The following CMTM8 variants were observed in gnomAD, a reference collection of about 807,000 sequenced individuals.
The protein encoded by CMTM8 is CKLF like MARVEL transmembrane domain containing 8, also known as CKLF-like MARVEL transmembrane domain-containing protein 8.
In CMTM8, 12 loss-of-function variants were observed where a neutral mutation model predicts 18.6. The observed-to-expected ratio is 0.65, with a 90% confidence interval of 0.41 to 1.05. CMTM8 has a LOEUF of 1.05. Among genes scored for constraint, CMTM8 ranks in the 50% least tolerant of loss-of-function variants. The pLI, the probability that CMTM8 is intolerant of heterozygous loss-of-function variation, is 0.00. For missense variants in CMTM8, 217 were observed against 227.2 expected (o/e 0.95, Z 0.29); for synonymous variants, 87 against 90.6 (o/e 0.96, Z 0.23).
intron 1 of CMTM8, among the ~76,000 whole-genome samples, chr3:32,334,759 TTTATAC>T (rs1222694651): frequency 6.6e-6 from 1 of 152,192 alleles, no homozygotes; most frequent in East Asian, 1.9e-4. Context: ...TTTTAATTTC[TTTATAC>T]TTAAAGTTCA....
At chr3:32,340,643 T>G (rs757086237) in intron 1 of CMTM8, among the ~76,000 whole-genome samples, 1 of 152,366 alleles carries the variant, frequency 6.6e-6, no homozygotes, top group East Asian at 1.9e-4. Flanking sequence ...TATTTCAGGC[T>G]ATGTAGCCAG....
At chr3:32,305,232 CTTTT>C (rs397693052) in intron 1 of CMTM8, among the ~76,000 whole-genome samples, 1 of 127,564 alleles carries the variant, frequency 7.8e-6, no homozygotes, top group Non-Finnish European at 1.6e-5. Flanking sequence ...TGACTGGAGG[CTTTT>C]TTTTTTTTTT....
chr3:32,362,287 C>T (rs1188051965), intron 2 of CMTM8, among the ~76,000 whole-genome samples: 2 of 152,004 alleles, frequency 1.3e-5, no homozygotes, highest in Non-Finnish European at 2.9e-5. Flanking sequence ...AGGTAATCTG[C>T]CCGTCTTCGT....
At chr3:32,341,580 A>G (rs1165197662) in intron 1 of CMTM8, among the ~76,000 whole-genome samples, 1 of 152,236 alleles carries the variant, frequency 6.6e-6, no homozygotes, top group East Asian at 1.9e-4. Flanking sequence ...TGTGTAGTAC[A>G]GTTTAAAAAC....
intron 1 of CMTM8, among the ~76,000 whole-genome samples, chr3:32,273,357 T>C (rs1419847121): frequency 6.6e-6 from 1 of 152,082 alleles, no homozygotes; most frequent in East Asian, 1.9e-4. Context: ...CATATATATA[T>C]ACATACACAC....
chr3:32,353,768 A>G (rs866453538), intron 1 of CMTM8, among the ~76,000 whole-genome samples: 1 of 151,164 alleles, frequency 6.6e-6, no homozygotes, highest in Middle Eastern at 3.4e-3. Flanking sequence ...TCATTTCTTA[A>G]TATACTTCTG....
At chr3:32,319,651 T>C (rs984150885) in intron 1 of CMTM8, among the ~76,000 whole-genome samples, 1 of 152,240 alleles carries the variant, frequency 6.6e-6, no homozygotes, top group Non-Finnish European at 1.5e-5. Flanking sequence ...CCAGTGACTT[T>C]CATCCTGTGA....
At chr3:32,281,629 A>G (rs1168349052) in intron 1 of CMTM8, among the ~76,000 whole-genome samples, 2 of 152,084 alleles carry the variant, frequency 1.3e-5, no homozygotes, top group African/African-American at 4.8e-5. Context: ...AACTTCTTGA[A>G]TGAGTTGTCT....
chr3:32,316,652 C>T (rs1428583712), intron 1 of CMTM8, among the ~76,000 whole-genome samples: 1 of 143,516 alleles, frequency 7.0e-6, no homozygotes, highest in African/African-American at 2.6e-5. Flanking sequence ...ATAAAAGATC[C>T]TGCTTGTTTG....
chr3:32,355,047 G>T (rs913389195), intron 1 of CMTM8, among the ~76,000 whole-genome samples: 16 of 152,148 alleles, frequency 1.1e-4, no homozygotes, highest in African/African-American at 3.9e-4. Flanking sequence ...CAACTCTAAA[G>T]AGCAGAAACA....
chr3:32,260,433 A>T (rs1414920402), intron 1 of CMTM8, among the ~76,000 whole-genome samples: 1 of 152,214 alleles, frequency 6.6e-6, no homozygotes, highest in Non-Finnish European at 1.5e-5. Flanking sequence ...GTTGGGCTCT[A>T]ATTTTGTTTT....
intron 1 of CMTM8, among the ~76,000 whole-genome samples, chr3:32,346,375 T>C (rs1000977128): frequency 5.9e-5 from 9 of 152,254 alleles, no homozygotes; most frequent in Non-Finnish European, 1.0e-4. Flanking sequence ...AACTAGTCAC[T>C]TCTTGTTACC....
chr3:32,273,668 G>A (rs570957322), intron 1 of CMTM8, among the ~76,000 whole-genome samples: 5 of 152,282 alleles, frequency 3.3e-5, no homozygotes, highest in South Asian at 2.1e-4. Context: ...AGGTGAGTGC[G>A]TTAGTGCGTG....
chr3:32,256,333 G>A (rs1273033487), intron 1 of CMTM8, among the ~76,000 whole-genome samples: 1 of 152,050 alleles, frequency 6.6e-6, no homozygotes, highest in African/African-American at 2.4e-5. Flanking sequence ...GCTTCCCAGA[G>A]TGCTGGGATT....
chr3:32,247,584 C>G (rs2125529112), intron 1 of CMTM8, among the ~76,000 whole-genome samples: 1 of 152,280 alleles, frequency 6.6e-6, no homozygotes, highest in Middle Eastern at 3.4e-3. Context: ...CCTCGACCTC[C>G]CCAAGTGCTG....
At chr3:32,284,005 C>T (rs1702641713) in intron 1 of CMTM8, among the ~76,000 whole-genome samples, 1 of 152,224 alleles carries the variant, frequency 6.6e-6, no homozygotes, top group Non-Finnish European at 1.5e-5. Flanking sequence ...AATTCCAGCA[C>T]TTTGGGGGAG....
At chr3:32,280,215 G>A (rs1179304317) in intron 1 of CMTM8, among the ~76,000 whole-genome samples, 1 of 152,086 alleles carries the variant, frequency 6.6e-6, no homozygotes, top group Admixed American at 6.6e-5. Context: ...TGGAAGCAGG[G>A]AACCTAAGGC....
chr3:32,305,036 A>G (rs962983326), intron 1 of CMTM8, among the ~76,000 whole-genome samples: 1 of 152,188 alleles, frequency 6.6e-6, no homozygotes, highest in African/African-American at 2.4e-5. Context: ...TATTTTGGCA[A>G]TCTAAATCTC....
chr3:32,338,453 T>A (rs192640761), intron 1 of CMTM8, among the ~76,000 whole-genome samples: 174 of 152,278 alleles, frequency 1.1e-3, no homozygotes, highest in Middle Eastern at 3.4e-3. Context: ...TTAAATCATG[T>A]TCTCTGGAAG....
Sources: allele counts gnomAD v4.1 joint callset (sites outside exome capture counted in the v4.1 genomes callset), GRCh38; gene constraint gnomAD v4.1.1; transcripts MANE v1.5; gene names NCBI Gene and HGNC (gene_info 2026-07-23, HGNC 2026-07-21).